SGIP1: variants seen among roughly 807,000 people sequenced by gnomAD.
SGIP1 encodes the protein SH3GL interacting endocytic adaptor 1.
A neutral mutation model predicts 107.5 loss-of-function variants in SGIP1; 38 were observed. The observed-to-expected ratio is 0.35, with a 90% confidence interval of 0.27 to 0.46. The LOEUF is 0.46. SGIP1 is among the 20% of genes least tolerant of loss of function. The pLI is 1.00. For synonymous variants in SGIP1, 365 were observed against 366.1 expected (o/e 1.00, Z 0.03); for missense variants, 929 against 1,019.5 (o/e 0.91, Z 1.21).
At chr1:66,555,379 T>C (rs1235429664) in intron 1 of SGIP1, among the ~76,000 whole-genome samples, 1 of 152,154 alleles carries the variant, frequency 6.6e-6, no homozygotes, top group Non-Finnish European at 1.5e-5. Flanking sequence ...TATCTGAACC[T>C]TTACCAGGGC....
At chr1:66,723,811 T>C (rs1254971480) in intron 19 of SGIP1, among the ~76,000 whole-genome samples, 1 of 152,204 alleles carries the variant, frequency 6.6e-6, no homozygotes, top group Non-Finnish European at 1.5e-5. Flanking sequence ...TCCCAGAACC[T>C]ATGACCCAGA....
chr1:66,569,953 A>G (rs1169759578), intron 1 of SGIP1, among the ~76,000 whole-genome samples: 5 of 151,658 alleles, frequency 3.3e-5, no homozygotes, highest in Non-Finnish European at 7.4e-5. Flanking sequence ...GGTTTGACAG[A>G]TTTTGTCTTT....
At position 66,689,249 on chromosome 1, in the gene SGIP1, C is replaced by G. The variant is rs190736881; in HGVS notation, c.1417C>G (p.Pro473Ala). The G allele has an allele frequency of 1.2e-6, 2 of 1,613,692 alleles. No individual in the cohort carries two copies. The highest frequency in any genetic ancestry group is 2.2e-5 in the East Asian group (1 of 44,848). The change falls in exon 16 of 25, where the codon CCA (proline) becomes GCA (alanine). Residue 473 changes from proline to alanine, a missense_variant. Pro to Ala is a conservative substitution (Grantham distance 27). This residue lies in a region of SGIP1 where 588 missense variants were observed against 588.6 expected (regional missense o/e 1.00). Transcript: ENST00000371037. ...GCCTCCATCCCGGCCAAAGCTACCTCCAGGAAAACCTGGAGTTGGAGATGT... is the reference window on the plus strand; with the variant it reads ...GCCTCCATCCCGGCCAAAGCTACCTGCAGGAAAACCTGGAGTTGGAGATGT... ...PRPPSRPKLP[P>A]GKPGVGDVSR...
chr1:66,625,114 A>T (rs1190900699), intron 1 of SGIP1, among the ~76,000 whole-genome samples: 2 of 152,224 alleles, frequency 1.3e-5, no homozygotes, highest in Non-Finnish European at 2.9e-5. Context: ...ATATCATAAT[A>T]CATATAAGAG....
Position 66,534,442 on chromosome 1 carries a change from G to C in SGIP1, c.10+74G>C, listed in dbSNP as rs941181768. The C allele has an allele frequency of 3.3e-5, 51 of 1,546,226 alleles. No homozygotes were observed. In the Middle Eastern group the frequency reaches 1.0e-3, roughly 30 times the overall value. ...AGAACAGCATTAAAGAATATGTGCA[G>C]CCAGTGTATGTGGCGGTTCTAGAAC... On this transcript the variant is annotated intron_variant, in intron 1 of 24. Transcript: ENST00000371037.
chr1:66,686,499 T>C (rs2088316008), intron 15 of SGIP1, among the ~76,000 whole-genome samples: 1 of 152,114 alleles, frequency 6.6e-6, no homozygotes, highest in African/African-American at 2.4e-5. Flanking sequence ...AAAATGCAAT[T>C]GAAAATTGAA....
At chr1:66,703,882 G>A (rs1359463) in intron 18 of SGIP1, among the ~76,000 whole-genome samples, 70,907 of 143,410 alleles carry the variant, frequency 0.49, 17,237 homozygotes, top group East Asian at 0.76. Flanking sequence ...CTCTGTGTGT[G>A]TGTGTGTGTG....
chr1:66,687,203 A>G lies in SGIP1; in HGVS notation c.1316-1945A>G, dbSNP rs139407358. On this transcript the variant is annotated intron_variant, in intron 15 of 24. Coordinates refer to ENST00000371037, the MANE Select transcript of SGIP1 (RefSeq NM_032291.4). The stretch of plus-strand genomic sequence containing the variant: ...TATTTTTAGATCAATTCAAAAGACT[A>G]CTTCTTGGAAACAGACCTACAGATA... Among the ~76,000 whole-genome samples, 733 of 152,112 alleles carry G rather than the reference A, an allele frequency of 4.8e-3. 4 individuals are homozygous for G. Among genetic ancestry groups the G allele is most frequent in the Non-Finnish European group, 7.4e-3 (502 of 68,004 alleles).
At chr1:66,718,062 GAGAT>G (rs929399698) in intron 18 of SGIP1, among the ~76,000 whole-genome samples, 1 of 152,080 alleles carries the variant, frequency 6.6e-6, no homozygotes, top group South Asian at 2.1e-4. Flanking sequence ...AAGCCAAGAG[GAGAT>G]AAAAAAGAGA....
chr1:66,649,520 C>T (rs2078311751), intron 7 of SGIP1, among the ~76,000 whole-genome samples: 1 of 152,160 alleles, frequency 6.6e-6, no homozygotes, highest in Non-Finnish European at 1.5e-5. Context: ...AGACCACTCT[C>T]CCTAAAGGAG....
chr1:66,588,183 G>A (rs1424339466), intron 1 of SGIP1, among the ~76,000 whole-genome samples: 2 of 151,946 alleles, frequency 1.3e-5, no homozygotes, highest in African/African-American at 4.8e-5. Flanking sequence ...TCTTTGATTC[G>A]GGAGATTGCC....
chr1:66,534,798 T>C (rs901906407), intron 1 of SGIP1, among the ~76,000 whole-genome samples: 3 of 152,238 alleles, frequency 2.0e-5, no homozygotes, highest in Non-Finnish European at 4.4e-5. Flanking sequence ...TACAGACATT[T>C]TCAGTGAACT....
intron 22 of SGIP1, among the ~76,000 whole-genome samples, chr1:66,740,218 A>G (rs2094403789): frequency 6.6e-6 from 1 of 152,224 alleles, no homozygotes; most frequent in South Asian, 2.1e-4. Context: ...CATTGTGCCT[A>G]TATCATCTAT....
At chr1:66,676,810 A>C (rs1053655483) in intron 12 of SGIP1, among the ~76,000 whole-genome samples, 194 bp from the exon 13 acceptor site, 9 of 152,032 alleles carry the variant, frequency 5.9e-5, no homozygotes, top group African/African-American at 2.2e-4. Flanking sequence ...CCTCCCACCC[A>C]CACTCACACC....
intron 20 of SGIP1, among the ~76,000 whole-genome samples, chr1:66,729,780 T>G (rs183393051): frequency 6.6e-6 from 1 of 152,290 alleles, no homozygotes; most frequent in South Asian, 2.1e-4. Context: ...AATAAAATCC[T>G]TTCATTGTAT....
At chr1:66,649,547 C>A (rs1925342) in intron 7 of SGIP1, among the ~76,000 whole-genome samples, 34,768 of 152,040 alleles carry the variant, frequency 0.23, 4,587 homozygotes, top group African/African-American at 0.36. Flanking sequence ...GAGACAGATG[C>A]AACACGAACA....
chr1:66,590,187 T>G (rs2148869119), intron 1 of SGIP1, among the ~76,000 whole-genome samples: 1 of 152,362 alleles, frequency 6.6e-6, no homozygotes, highest in East Asian at 1.9e-4. Flanking sequence ...AAATGTCATT[T>G]TTAACATTGT....
intron 14 of SGIP1, among the ~76,000 whole-genome samples, chr1:66,680,197 C>T (rs972783688): frequency 6.6e-6 from 1 of 152,144 alleles, no homozygotes; most frequent in Non-Finnish European, 1.5e-5. Context: ...GGGTGTGCAG[C>T]ATACTGGTGG....
At chr1:66,658,233 T>C (rs1191623577) in intron 7 of SGIP1, among the ~76,000 whole-genome samples, 1 of 152,212 alleles carries the variant, frequency 6.6e-6, no homozygotes, top group Non-Finnish European at 1.5e-5. Flanking sequence ...TACAAGGATG[T>C]AGTCCCTTTC....
Sources: gnomAD v4.1 joint callset for allele counts (sites outside exome capture counted in the v4.1 genomes callset) on GRCh38, gnomAD v4.1.1 for gene constraint, gnomAD v4.1.1 regional missense constraint, MANE v1.5 for transcripts, NCBI Gene and HGNC (gene_info 2026-07-23, HGNC 2026-07-21) for gene names.